Variants in MTMR3 observed in about 807,000 individuals in gnomAD.
The protein encoded by MTMR3 is myotubularin related protein 3.
MTMR3 carries 32 observed loss-of-function variants against 132.4 expected under a neutral mutation model. The ratio of observed to expected loss-of-function variants is 0.24; its 90% CI spans 0.18 to 0.32. The LOEUF is 0.32. MTMR3 is among the 10% of genes least tolerant of loss of function. The pLI is 1.00. For missense variants in MTMR3, 1,216 were observed against 1,489.6 expected, an observed-to-expected ratio of 0.82 and a Z score of 3.02; for synonymous variants, 556 against 550.3, an observed-to-expected ratio of 1.01 and a Z score of -0.14.
At chr22:30,007,452 T>G (rs2067296377) in intron 10 of MTMR3, 133 bp downstream of exon 10, 1 of 882,392 alleles carries the variant, frequency 1.1e-6, no homozygotes, top group African/African-American at 1.7e-5. Context: ...TTGATGGGAT[T>G]GATTGAGGAG....
intron 1 of MTMR3, among the ~76,000 whole-genome samples, chr22:29,910,647 A>AT (rs1279959484): frequency 6.6e-6 from 1 of 150,764 alleles, no homozygotes; most frequent in African/African-American, 2.4e-5. Flanking sequence ...TTAAAATGAG[A>AT]TTGCCCTCTT....
At chr22:29,934,020 T>C (rs966762285) in intron 1 of MTMR3, among the ~76,000 whole-genome samples, 5 of 152,202 alleles carry the variant, frequency 3.3e-5, no homozygotes, top group Non-Finnish European at 5.9e-5. Flanking sequence ...CATGTTTATA[T>C]TATGTATAAT....
At chr22:29,962,432 C>T (rs1266887668) in intron 2 of MTMR3, among the ~76,000 whole-genome samples, 1 of 151,950 alleles carries the variant, frequency 6.6e-6, no homozygotes, top group Non-Finnish European at 1.5e-5. Context: ...TTTGGGAGGC[C>T]AAGGTGAGAG....
intron 1 of MTMR3, among the ~76,000 whole-genome samples, chr22:29,890,652 A>G (rs558582905): frequency 1.3e-5 from 2 of 152,308 alleles, no homozygotes; most frequent in African/African-American, 4.8e-5. Context: ...AATTCCATAT[A>G]TTCTTGCTAG....
At chr22:29,902,511 C>T (rs547190571) in intron 1 of MTMR3, among the ~76,000 whole-genome samples, 5 of 150,504 alleles carry the variant, frequency 3.3e-5, no homozygotes, top group African/African-American at 4.9e-5. Flanking sequence ...GGACTACAGG[C>T]GCCCACCACC....
At chr22:29,962,990 C>G (rs1202341451) in intron 2 of MTMR3, among the ~76,000 whole-genome samples, 2 of 150,978 alleles carry the variant, frequency 1.3e-5, no homozygotes, top group African/African-American at 4.9e-5. Flanking sequence ...TCTGGGCTCA[C>G]TGAAACCTCG....
chr22:29,964,873 C>A (rs1248130580), intron 2 of MTMR3, among the ~76,000 whole-genome samples: 4 of 152,190 alleles, frequency 2.6e-5, no homozygotes, highest in African/African-American at 9.7e-5. Context: ...TTCACATGAT[C>A]TTTTCCTTTA....
intron 19 of MTMR3, chr22:30,023,481 G>A (rs201211204): frequency 2.0e-4 from 330 of 1,613,936 alleles, no homozygotes; most frequent in Middle Eastern, 3.3e-4. Flanking sequence ...TTGATCAAAC[G>A]TGGTGAGCAT....
At chr22:29,913,851 A>T (rs910559316) in intron 1 of MTMR3, among the ~76,000 whole-genome samples, 1 of 152,110 alleles carries the variant, frequency 6.6e-6, no homozygotes, top group African/African-American at 2.4e-5. Context: ...TCCTGGGTTA[A>T]AGCTATTCTC....
rs1397051782 is a variant in MTMR3, at chr22:30,013,518, T to C, written c.1480T>C (p.Phe494Leu). The C allele has an allele frequency of 6.2e-7, 1 of 1,614,046 alleles. No homozygotes were observed. Among genetic ancestry groups the C allele is most frequent in the South Asian group, 1.1e-5 (1 of 91,068 alleles). Reference sequence around the variant, plus strand: ...GCTTCAGAGGCAATTTCCTTGCTCTTTTGAGTTCAATGAAGCATTCCTTGT... The same window carrying C: ...GCTTCAGAGGCAATTTCCTTGCTCTCTTGAGTTCAATGAAGCATTCCTTGT... ...HQLQRQFPCSFEFNEAFLVKL... is the reference protein window; with the variant it reads ...HQLQRQFPCSLEFNEAFLVKL... Residue 494 changes from phenylalanine (F) to leucine (L), a missense_variant, in exon 14 of 20, where the codon TTT becomes CTT. Coordinates refer to ENST00000401950, the MANE Select transcript of MTMR3 (RefSeq NM_021090.4).
rs7289632 is a variant in MTMR3, at chr22:29,973,641, C to T, written c.3+2579C>T. Among the ~76,000 whole-genome samples, 677 of 152,064 alleles carry T rather than the reference C, an allele frequency of 4.5e-3. 6 individuals are homozygous for T. The highest frequency in any genetic ancestry group is 0.015 in the African/African-American group (639 of 41,450). On this transcript the variant is annotated intron_variant, in intron 3 of 19. Transcript: ENST00000401950. ...TGAAATGGAGTTTCACTCTTGTTGC[C>T]CAGGCTGGAATGCAATGGCGTGATC... is the stretch of plus-strand genomic sequence containing the variant.
intron 1 of MTMR3, among the ~76,000 whole-genome samples, chr22:29,944,204 A>G (rs1459710850): frequency 6.6e-6 from 1 of 151,744 alleles, no homozygotes; most frequent in African/African-American, 2.4e-5. Context: ...CTTTTGAGAC[A>G]TTAATATCTT....
intron 1 of MTMR3, among the ~76,000 whole-genome samples, chr22:29,909,329 T>C (rs2065163336): frequency 6.6e-6 from 1 of 152,186 alleles, no homozygotes; most frequent in Non-Finnish European, 1.5e-5. Context: ...AGAAAAAAAT[T>C]AGTTTCTTAA....
chr22:29,893,877 ACT>A (rs1217093479), intron 1 of MTMR3, among the ~76,000 whole-genome samples: 1 of 151,822 alleles, frequency 6.6e-6, no homozygotes, highest in African/African-American at 2.4e-5. Flanking sequence ...ACGGAGTCTC[ACT>A]CTGTCACCCA....
At chr22:29,949,095 TAAAACAC>T in intron 1 of MTMR3, among the ~76,000 whole-genome samples, 1 of 96,126 alleles carries the variant, frequency 1.0e-5, no homozygotes, top group African/African-American at 4.2e-5. Context: ...GGCCCTGTCT[TAAAACAC>T]ACACACACAC....
At chr22:30,005,225 G>T (rs2067250632) in intron 9 of MTMR3, 1 of 152,132 alleles carries the variant, frequency 6.6e-6, no homozygotes, top group South Asian at 2.1e-4. Context: ...TACTTTGCCT[G>T]GTTCTGTTAG....
At position 29,884,311 on chromosome 22, in the gene MTMR3, G is replaced by A. The variant is rs1372630440; in HGVS notation, c.-138+952G>A. Among the ~76,000 whole-genome samples, 4 of 152,140 alleles carry A rather than the reference G, an allele frequency of 2.6e-5. No homozygotes were observed. In the East Asian group the frequency reaches 5.8e-4, roughly 22 times the overall value. ...CAAAACCATATACTTTTCTAGTTAA[G>A]GTTCAACTTTCTCATATGTGAATGG... On this transcript the variant is annotated intron_variant, in intron 1 of 19. Transcript: ENST00000401950.
chr22:29,899,014 A>G (rs1188058057), intron 1 of MTMR3, among the ~76,000 whole-genome samples: 1 of 151,260 alleles, frequency 6.6e-6, no homozygotes, highest in Admixed American at 6.6e-5. Context: ...ATTTTATAAC[A>G]TTACCTTGAT....
chr22:30,017,868 C>T, intron 15 of MTMR3, 59 bp from the exon 16 acceptor site: 1 of 1,599,878 alleles, frequency 6.3e-7, no homozygotes, highest in Non-Finnish European at 8.5e-7. Flanking sequence ...TCCTCATTTC[C>T]AGACATCCTA....
Sources: gnomAD v4.1 joint callset for allele counts (sites outside exome capture counted in the v4.1 genomes callset) on GRCh38, gnomAD v4.1.1 for gene constraint, MANE v1.5 for transcripts, NCBI Gene and HGNC (gene_info 2026-07-23, HGNC 2026-07-21) for gene names.